The following INSL6 variants were observed in gnomAD, a reference collection of about 807,000 sequenced individuals.
INSL6 encodes insulin-like peptide INSL6.
Under a neutral mutation model 9.4 loss-of-function variants are expected in INSL6, and 16 were observed. The ratio of observed to expected loss-of-function variants is 1.70; its 90% confidence interval spans 1.15 to 2.59. INSL6 has a LOEUF of 2.59. Among genes scored for constraint, INSL6 ranks in the 30% most tolerant of loss-of-function variants. The pLI is 0.00. For missense variants in INSL6, 391 were observed against 257.3 expected, an observed-to-expected ratio of 1.52 and a Z score of -3.56; for synonymous variants, 154 against 96.9, an observed-to-expected ratio of 1.59 and a Z score of -3.46.
the INSL6 span, chr9:5,109,747 A>C: frequency 1.3e-5 from 2 of 152,186 alleles, no homozygotes; most frequent in Non-Finnish European, 2.9e-5. Context: ...CATAATATTT[A>C]TTCTAGTAGC....
At chr9:5,180,399 A>T (rs1825425247) in intron 1 of INSL6, among the ~76,000 whole-genome samples, 1 of 152,188 alleles carries the variant, frequency 6.6e-6, no homozygotes. Flanking sequence ...GGGGTTGGGC[A>T]AAAAGAGCCA....
chr9:5,102,362 G>A, the INSL6 span, among the ~76,000 whole-genome samples: 1 of 152,088 alleles, frequency 6.6e-6, no homozygotes, highest in Non-Finnish European at 1.5e-5. Flanking sequence ...AAAGCAACAA[G>A]ATAAAGCCTA....
intron 2 of INSL6, among the ~76,000 whole-genome samples, chr9:5,136,065 C>T (rs1426052796): frequency 2.6e-5 from 4 of 152,132 alleles, no homozygotes. Flanking sequence ...CCTCCCAAGA[C>T]TAAACCAGAA....
intron 2 of INSL6, among the ~76,000 whole-genome samples, chr9:5,153,630 T>G (rs1033779481): frequency 6.6e-6 from 1 of 152,210 alleles, no homozygotes; most frequent in Non-Finnish European, 1.5e-5. Flanking sequence ...CAGCAAAGTC[T>G]CAGGATACAA....
chr9:5,119,097 A>G (rs963572022), downstream of INSL6, among the ~76,000 whole-genome samples: 1 of 152,200 alleles, frequency 6.6e-6, no homozygotes, highest in African/African-American at 2.4e-5. Flanking sequence ...TGATTTAAAC[A>G]CAGCAAACCT....
At chr9:5,179,812 G>A (rs1413769642) in intron 1 of INSL6, among the ~76,000 whole-genome samples, 1 of 152,198 alleles carries the variant, frequency 6.6e-6, no homozygotes, top group Non-Finnish European at 1.5e-5. Flanking sequence ...ATGGACACAT[G>A]CAGGGGAAAA....
chr9:5,181,952 C>A (rs191214670), intron 1 of INSL6, among the ~76,000 whole-genome samples: 1 of 152,122 alleles, frequency 6.6e-6, no homozygotes, highest in Non-Finnish European at 1.5e-5. Context: ...GATATGAGGA[C>A]ACAGGATTGG....
intron 2 of INSL6, among the ~76,000 whole-genome samples, chr9:5,147,204 T>G (rs1824617008): frequency 6.6e-6 from 1 of 152,018 alleles, no homozygotes; most frequent in South Asian, 2.1e-4. Flanking sequence ...AATTTCTCAG[T>G]GCAATCAGCC....
chr9:5,144,088 G>T (rs1243962763), intron 2 of INSL6, among the ~76,000 whole-genome samples: 1 of 152,134 alleles, frequency 6.6e-6, no homozygotes, highest in Non-Finnish European at 1.5e-5. Flanking sequence ...TTTTAGTTGT[G>T]ATGTTAGGTT....
intron 2 of INSL6, among the ~76,000 whole-genome samples, chr9:5,149,457 A>T (rs1274782537): frequency 6.6e-6 from 1 of 152,214 alleles, no homozygotes; most frequent in Non-Finnish European, 1.5e-5. Flanking sequence ...AATAATGATC[A>T]AGCTGAAAAC....
chr9:5,069,704 G>C, the INSL6 span, among the ~76,000 whole-genome samples: 1 of 152,030 alleles, frequency 6.6e-6, no homozygotes, highest in South Asian at 2.1e-4. Context: ...AATTACATTA[G>C]TTAAGGAAGT....
chr9:5,006,686 T>C, the INSL6 span, among the ~76,000 whole-genome samples: 1 of 152,168 alleles, frequency 6.6e-6, no homozygotes, highest in Non-Finnish European at 1.5e-5. Flanking sequence ...CCAGATCTCA[T>C]GCAAACTCAC....
chr9:5,039,879 C>T, the INSL6 span, among the ~76,000 whole-genome samples: 1 of 152,056 alleles, frequency 6.6e-6, no homozygotes, highest in Non-Finnish European at 1.5e-5. Flanking sequence ...TTTAAGATGG[C>T]AATACTCCTT....
intron 2 of INSL6, among the ~76,000 whole-genome samples, chr9:5,137,721 A>T (rs1225044632): frequency 2.6e-5 from 4 of 152,246 alleles, no homozygotes; most frequent in Non-Finnish European, 5.9e-5. Context: ...TGGCAACAAA[A>T]GCCAAAATTG....
At chr9:5,035,635 T>G in the INSL6 span, among the ~76,000 whole-genome samples, 1 of 152,126 alleles carries the variant, frequency 6.6e-6, no homozygotes, top group Non-Finnish European at 1.5e-5. Context: ...GCAAAAACCA[T>G]ATGATTATCT....
chr9:5,107,299 C>T, the INSL6 span, among the ~76,000 whole-genome samples: 1 of 152,140 alleles, frequency 6.6e-6, no homozygotes, highest in African/African-American at 2.4e-5. Context: ...TTTACTTCCA[C>T]AAATTAATAT....
At chr9:5,090,667 T>C in the INSL6 span, 1 of 1,518,130 alleles carries the variant, frequency 6.6e-7, no homozygotes, top group Non-Finnish European at 8.9e-7. Context: ...ATAAAGGGAA[T>C]ATATAGGGTT....
At chr9:5,154,843 G>C (rs1481532984) in intron 2 of INSL6, among the ~76,000 whole-genome samples, 4 of 152,186 alleles carry the variant, frequency 2.6e-5, no homozygotes, top group Non-Finnish European at 4.4e-5. Flanking sequence ...TGGAGAGGAT[G>C]TGGAGAAACA....
the INSL6 span, among the ~76,000 whole-genome samples, chr9:5,012,416 G>GT: frequency 0.015 from 2,226 of 152,074 alleles, 32 homozygotes; most frequent in South Asian, 0.028. Flanking sequence ...AGGAACATTA[G>GT]TGTAGTATAA....
Sources: gnomAD v4.1 joint callset for allele counts (sites outside exome capture counted in the v4.1 genomes callset) on GRCh38, gnomAD v4.1.1 for gene constraint, MANE v1.5 for transcripts, NCBI Gene and HGNC (gene_info 2026-07-23, HGNC 2026-07-21) for gene names.